Variants in TGFBR3 observed in about 807,000 individuals in gnomAD.
The protein encoded by TGFBR3 is transforming growth factor beta receptor type 3.
Under a neutral mutation model 87.9 loss-of-function variants are expected in TGFBR3, and 46 were observed. The observed-to-expected ratio is 0.52, with a 90% CI of 0.41 to 0.67. The LOEUF (loss-of-function observed/expected upper bound fraction) is 0.67, where lower values mean the gene tolerates loss of function less well. Among genes scored for constraint, TGFBR3 ranks in the 30% least tolerant of loss-of-function variants. TGFBR3 has a pLI of 0.00. For missense variants in TGFBR3, 866 were observed against 1,041.9 expected (o/e 0.83, Z 2.32); for synonymous variants, 381 against 391.6 (o/e 0.97, Z 0.32).
At chr1:91,790,474 T>C (rs947701673) in intron 3 of TGFBR3, among the ~76,000 whole-genome samples, 1 of 152,226 alleles carries the variant, frequency 6.6e-6, no homozygotes, top group African/African-American at 2.4e-5. Context: ...TGACAGTATC[T>C]GTTAAGGACT....
chr1:91,898,796 G>A (rs1679615071), intron 2 of TGFBR3, among the ~76,000 whole-genome samples: 2 of 152,266 alleles, frequency 1.3e-5, no homozygotes, highest in Admixed American at 6.5e-5. Flanking sequence ...AAATATTACA[G>A]CCGGGCATCG....
chr1:91,893,135 G>A (rs537041203), intron 2 of TGFBR3, among the ~76,000 whole-genome samples: 29 of 152,212 alleles, frequency 1.9e-4, no homozygotes, highest in African/African-American at 7.0e-4. Flanking sequence ...TTTGTGGAAG[G>A]CCGTGTTGTA....
intron 2 of TGFBR3, among the ~76,000 whole-genome samples, chr1:91,806,683 C>T (rs1292530923): frequency 6.6e-6 from 1 of 152,116 alleles, no homozygotes; most frequent in Non-Finnish European, 1.5e-5. Context: ...GGTAAAGATG[C>T]AGAGGGAATT....
chr1:91,798,525 T>C (rs1192987425), intron 2 of TGFBR3, among the ~76,000 whole-genome samples: 1 of 152,114 alleles, frequency 6.6e-6, no homozygotes. Context: ...CAAATTCCTC[T>C]TCCACTCTCA....
intron 1 of TGFBR3, among the ~76,000 whole-genome samples, chr1:91,876,586 A>G (rs1678820481): frequency 6.6e-6 from 1 of 152,150 alleles, no homozygotes. Flanking sequence ...AACAAAAACC[A>G]TAGCACCACT....
At chr1:91,702,152 G>A (rs986203523) in intron 14 of TGFBR3, among the ~76,000 whole-genome samples, 1 of 152,034 alleles carries the variant, frequency 6.6e-6, no homozygotes, top group African/African-American at 2.4e-5. Flanking sequence ...AACTACAAAG[G>A]GTATTCCAGC....
At chr1:91,854,824 C>A (rs1028463069) in intron 2 of TGFBR3, among the ~76,000 whole-genome samples, 9 of 152,126 alleles carry the variant, frequency 5.9e-5, no homozygotes, top group African/African-American at 2.2e-4. Context: ...TCTGGTCCAA[C>A]CAAGACTTGA....
At chr1:91,727,229 A>C (rs1036663993) in intron 7 of TGFBR3, among the ~76,000 whole-genome samples, 1 of 152,266 alleles carries the variant, frequency 6.6e-6, no homozygotes, top group Non-Finnish European at 1.5e-5. Context: ...CTAATAGTCC[A>C]TACTTTCTCT....
intron 3 of TGFBR3, among the ~76,000 whole-genome samples, chr1:91,790,397 A>T (rs1398483835): frequency 6.6e-6 from 1 of 152,074 alleles, no homozygotes; most frequent in African/African-American, 2.4e-5. Flanking sequence ...CTACACTATG[A>T]TGTTTGCACA....
chr1:91,759,838 C>T (rs551328456), intron 3 of TGFBR3, among the ~76,000 whole-genome samples: 1 of 152,360 alleles, frequency 6.6e-6, no homozygotes, highest in African/African-American at 2.4e-5. Context: ...ATGAGGATGA[C>T]ATGGTCTAGA....
At chr1:91,720,674 A>T (rs1245819570) in intron 8 of TGFBR3, among the ~76,000 whole-genome samples, 1 of 152,244 alleles carries the variant, frequency 6.6e-6, no homozygotes, top group Non-Finnish European at 1.5e-5. Flanking sequence ...AAGACTGAGA[A>T]CCAATGGAAC....
At chr1:91,734,729 A>G (rs759955867) in intron 5 of TGFBR3, 47 bp downstream of exon 5, 4 of 1,604,016 alleles carry the variant, frequency 2.5e-6, no homozygotes, top group South Asian at 1.1e-5. Context: ...AAAGAAAACA[A>G]TTGCCTGTCA....
intron 2 of TGFBR3, among the ~76,000 whole-genome samples, chr1:91,892,768 G>A (rs1044190374): frequency 1.3e-5 from 2 of 152,120 alleles, no homozygotes; most frequent in South Asian, 2.1e-4. Context: ...GGTTATTCCC[G>A]AGATTTCAGA....
chr1:91,808,996 A>C (rs2101034120), intron 2 of TGFBR3, among the ~76,000 whole-genome samples: 1 of 152,338 alleles, frequency 6.6e-6, no homozygotes. Flanking sequence ...GCAGATACAA[A>C]ATAACTGAAG....
At chr1:91,709,413 G>A (rs1359668831) in intron 13 of TGFBR3, among the ~76,000 whole-genome samples, 1 of 152,192 alleles carries the variant, frequency 6.6e-6, no homozygotes, top group Non-Finnish European at 1.5e-5. Flanking sequence ...TGAATACTTA[G>A]ATTGAAAAAC....
rs1427548059 is a variant in TGFBR3 at position 91,682,333 on chromosome 1, A to G, written c.*1406T>C. The G allele has an allele frequency of 2.2e-6, 1 of 453,984 alleles. No individual in the cohort carries two copies. Among genetic ancestry groups the G allele is most frequent in the Non-Finnish European group, 4.4e-6 (1 of 226,766 alleles). The allele number at this position is 453,984 out of a possible 1,614,324, so 28.1% of individuals were successfully genotyped here. The stretch of plus-strand genomic sequence containing the variant: ...TAAGTTGTTTGGGGGAAATTCTGGA[A>G]AAAGAATAATTTGCAATGAAGCTAT... On this transcript the variant is annotated 3_prime_UTR_variant, in exon 17 of 17. Transcript: ENST00000212355.
intron 2 of TGFBR3, among the ~76,000 whole-genome samples, chr1:91,818,199 G>A (rs1676303467): frequency 6.8e-6 from 1 of 147,170 alleles, no homozygotes; most frequent in Non-Finnish European, 1.5e-5. Context: ...TACAGCACCA[G>A]CTGTTAGTTT....
intron 3 of TGFBR3, among the ~76,000 whole-genome samples, chr1:91,771,637 C>T (rs1448802374): frequency 2.2e-5 from 3 of 139,024 alleles, no homozygotes; most frequent in Non-Finnish European, 3.0e-5. Context: ...ACATGGGAGG[C>T]GGAGCTTGCA....
chr1:91,832,726 C>G (rs147074989), intron 2 of TGFBR3, among the ~76,000 whole-genome samples: 2 of 152,134 alleles, frequency 1.3e-5, no homozygotes, highest in African/African-American at 2.4e-5. Flanking sequence ...ATCGGGGTCA[C>G]GCATGGTGGC....
Sources: gnomAD v4.1 joint callset for allele counts (sites outside exome capture counted in the v4.1 genomes callset) on GRCh38, gnomAD v4.1.1 for gene constraint, MANE v1.5 for transcripts, NCBI Gene and HGNC (gene_info 2026-07-23, HGNC 2026-07-21) for gene names.